PTPRB: variants seen among roughly 807,000 people sequenced by gnomAD.
The protein encoded by PTPRB is receptor-type tyrosine-protein phosphatase beta.
A neutral mutation model predicts 238.1 loss-of-function variants in PTPRB; 97 were observed. The ratio of observed to expected loss-of-function variants is 0.41; its 90% CI spans 0.35 to 0.48. PTPRB has a LOEUF of 0.48. PTPRB is among the 20% of genes least tolerant of loss of function. The pLI is 0.30. For missense variants in PTPRB, 2,292 were observed against 2,681.9 expected (o/e 0.85, Z 3.21); for synonymous variants, 970 against 995.4 (o/e 0.97, Z 0.48).
intron 8 of PTPRB, among the ~76,000 whole-genome samples, chr12:70,588,745 G>A (rs908254018): frequency 1.8e-4 from 28 of 152,148 alleles, no homozygotes; most frequent in African/African-American, 6.3e-4. Flanking sequence ...TTGAGGCCAG[G>A]AGTTTGAGAC....
intron 22 of PTPRB, chr12:70,542,228 A>T (rs1297233640): frequency 4.6e-5 from 7 of 152,110 alleles, no homozygotes. Flanking sequence ...TGTGCTTATT[A>T]GTCAACTGTA....
At chr12:70,574,069 A>T (rs1259591790) in intron 11 of PTPRB, among the ~76,000 whole-genome samples, 2 of 152,194 alleles carry the variant, frequency 1.3e-5, no homozygotes, top group Admixed American at 1.3e-4. Context: ...GAGGAGGAGC[A>T]TTGAAAAGAG....
intron 15 of PTPRB, among the ~76,000 whole-genome samples, chr12:70,564,009 C>T (rs1293018578): frequency 6.6e-6 from 1 of 152,182 alleles, no homozygotes; most frequent in Non-Finnish European, 1.5e-5. Context: ...TCTGCATCCC[C>T]ACCACTCATC....
chr12:70,581,111 T>C lies in PTPRB; in HGVS notation c.2503A>G (p.Ser835Gly). The C allele has an allele frequency of 6.2e-7, 1 of 1,614,024 alleles. No homozygotes were observed. The highest frequency in any genetic ancestry group is 8.5e-7 in the Non-Finnish European group (1 of 1,179,904). ...RYSFHSLKSG[S>G]LYSVVVTTVS... is the part of the protein sequence containing the mutation. ...GTTGTTACCACCACGGAGTACAGGC[T>C]GCCGGACTTGAGAGAGTGGAAGCTG... The change falls in exon 10 of 34, where the codon AGC becomes GGC. Residue 835 changes from serine to glycine, a missense_variant. Physicochemically the swap from Ser to Gly is moderately conservative, Grantham distance 56. Transcript: ENST00000334414.
intron 31 of PTPRB, among the ~76,000 whole-genome samples, chr12:70,532,511 A>G (rs1873435985): frequency 6.6e-6 from 1 of 152,226 alleles, no homozygotes; most frequent in African/African-American, 2.4e-5. Flanking sequence ...AAATGGTAAC[A>G]TATGTGCTTT....
chr12:70,583,454 G>A (rs531462386), intron 9 of PTPRB, among the ~76,000 whole-genome samples: 1 of 152,256 alleles, frequency 6.6e-6, no homozygotes, highest in East Asian at 1.9e-4. Context: ...AAATGCAAAT[G>A]TAAGCTTTGA....
At chr12:70,556,387 C>CTTGATGGGCTTA (rs1877685813) in intron 18 of PTPRB, among the ~76,000 whole-genome samples, 1 of 152,038 alleles carries the variant, frequency 6.6e-6, no homozygotes, top group Non-Finnish European at 1.5e-5. Context: ...TAAAGAATGC[C>CTTGATGGGCTTA]TTGATGGGCT....
intron 4 of PTPRB, among the ~76,000 whole-genome samples, chr12:70,601,795 T>C (rs1023336141): frequency 3.6e-4 from 32 of 88,132 alleles, no homozygotes; most frequent in East Asian, 2.3e-3. Context: ...TTTTTCTTTT[T>C]TTTTTTTTTT....
At chr12:70,610,017 C>T (rs1884330335) in intron 3 of PTPRB, among the ~76,000 whole-genome samples, 1 of 151,914 alleles carries the variant, frequency 6.6e-6, no homozygotes, top group African/African-American at 2.4e-5. Context: ...GCTGCGGACG[C>T]GAGAGGCGGC....
chr12:70,557,573 G>A (rs909328912), intron 18 of PTPRB, among the ~76,000 whole-genome samples: 3 of 152,168 alleles, frequency 2.0e-5, no homozygotes, highest in South Asian at 2.1e-4. Flanking sequence ...TATAAGCCTA[G>A]CCTCTAACAG....
chr12:70,538,390 C>A, intron 27 of PTPRB, 159 bp from the exon 28 acceptor site: 1 of 592,696 alleles, frequency 1.7e-6, no homozygotes, highest in South Asian at 2.3e-5. Flanking sequence ...ACTAACTTGC[C>A]CCATGTTGCA....
intron 32 of PTPRB, among the ~76,000 whole-genome samples, chr12:70,527,249 G>A (rs1190566421): frequency 6.6e-6 from 1 of 152,146 alleles, no homozygotes; most frequent in Non-Finnish European, 1.5e-5. Context: ...TTGTGTATAA[G>A]GTTTCATACA....
chr12:70,563,007 G>A lies in PTPRB; in HGVS notation c.4005C>T (p.Ile1335=). ...GATTCCCATCTGGGTTGTACAAAAA[G>A]ATGTTGTACCAGCTGAGCTCCCCCT... ...ASEGELSWYN[I]FLYNPDGNLQ... The change falls in exon 16 of 34, where the codon ATC becomes ATT. Residue 1335 remains isoleucine (I), a synonymous_variant. Transcript: ENST00000334414. 1 of 1,613,970 alleles carries A rather than the reference G, an allele frequency of 6.2e-7. No homozygotes were observed. The highest frequency in any genetic ancestry group is 8.5e-7 in the Non-Finnish European group (1 of 1,179,876).
Position 70,569,680 on chromosome 12 carries a change from C to T in PTPRB, c.3629G>A (p.Arg1210Gln), listed in dbSNP as rs113284091. 428 of 1,613,560 alleles carry T rather than the reference C, an allele frequency of 2.7e-4. No homozygotes were observed. Among genetic ancestry groups the T allele is most frequent in the Admixed American group, 4.7e-4 (28 of 59,966 alleles). ...SLKNQINVVGRTVPASVQGVI... is the reference protein window; with the variant it reads ...SLKNQINVVGQTVPASVQGVI... ...TTCTCCAGGTGGATGCTTACCTGTC[C>T]GCCCAACCACATTTATCTGATTCTT... Residue 1210 changes from arginine (R) to glutamine (Q), a missense_variant, in exon 14 of 34, where the codon CGG becomes CAG. Around this residue, in one of 4 missense-constraint regions of PTPRB, gnomAD observed 683 missense variants for 862.0 expected, o/e 0.79. Coordinates refer to ENST00000334414, the MANE Select transcript of PTPRB (RefSeq NM_001109754.4).
At chr12:70,606,291 T>C (rs1273000208) in intron 4 of PTPRB, among the ~76,000 whole-genome samples, 1 of 152,226 alleles carries the variant, frequency 6.6e-6, no homozygotes, top group African/African-American at 2.4e-5. Flanking sequence ...CTGAACTGGG[T>C]TTAAATCCAT....
At chr12:70,577,465 T>C (rs374931064) in intron 10 of PTPRB, among the ~76,000 whole-genome samples, 1 of 152,200 alleles carries the variant, frequency 6.6e-6, no homozygotes, top group African/African-American at 2.4e-5. Context: ...GTCAGCAAAT[T>C]AGTAATTGCA....
At chr12:70,582,485 A>G (rs1881490585) in intron 9 of PTPRB, among the ~76,000 whole-genome samples, 1 of 152,204 alleles carries the variant, frequency 6.6e-6, no homozygotes, top group South Asian at 2.1e-4. Context: ...ATAGATTGAT[A>G]GAACAGAATT....
At chr12:70,619,776 T>G (rs1884846125) in intron 3 of PTPRB, among the ~76,000 whole-genome samples, 1 of 152,188 alleles carries the variant, frequency 6.6e-6, no homozygotes, top group Admixed American at 6.5e-5. Flanking sequence ...AGATTTTATT[T>G]TTACACAATT....
At chr12:70,542,296 T>G (rs1302806898) in intron 22 of PTPRB, 1 of 152,202 alleles carries the variant, frequency 6.6e-6, no homozygotes, top group Non-Finnish European at 1.5e-5. Flanking sequence ...ATTGTGTAAT[T>G]TGGCTGGGCA....
Sources: allele counts gnomAD v4.1 joint callset (sites outside exome capture counted in the v4.1 genomes callset), GRCh38; gene constraint gnomAD v4.1.1; regional missense constraint gnomAD v4.1.1; transcripts MANE v1.5; gene names NCBI Gene and HGNC (gene_info 2026-07-23, HGNC 2026-07-21).